ABCA13: variants seen among roughly 807,000 people sequenced by gnomAD.
ABCA13 encodes ATP-binding cassette sub-family A member 13.
ABCA13 carries 476 observed loss-of-function variants against 478.7 expected under a neutral mutation model. The ratio of observed to expected loss-of-function variants is 0.99; its 90% confidence interval spans 0.92 to 1.07. The LOEUF is 1.07. Among genes scored for constraint, ABCA13 ranks in the 50% least tolerant of loss-of-function variants. The probability of loss-of-function intolerance (pLI) is 0.00; values close to 1 mark genes in which losing one functional copy is unlikely to be tolerated. For missense variants in ABCA13, 6,060 were observed against 5,910.6 expected, an observed-to-expected ratio of 1.03 and a Z score of -0.83; for synonymous variants, 2,252 against 2,158.9, an observed-to-expected ratio of 1.04 and a Z score of -1.20.
chr7:48,184,955 C>T (rs1252863522), intron 1 of ABCA13, among the ~76,000 whole-genome samples: 2 of 152,182 alleles, frequency 1.3e-5, no homozygotes, highest in Non-Finnish European at 2.9e-5. Context: ...CCTGCCTCAG[C>T]CCCCCAAGTA....
chr7:48,641,180 G>T (rs1795077442), intron 59 of ABCA13, among the ~76,000 whole-genome samples: 1 of 152,152 alleles, frequency 6.6e-6, no homozygotes, highest in African/African-American at 2.4e-5. Flanking sequence ...TTAAAGGGCT[G>T]CAGTTTCTAC....
At position 48,587,192 on chromosome 7, in the gene ABCA13, C is replaced by T. The variant is rs1789270329; in HGVS notation, c.14544C>T (p.Ala4848=). ...TCATCAGGCGCTTACACCTCGAAGC[C>T]CACGCGGACAAACCTGTGGCCACCT... ...GDLIRRLHLE[A]HADKPVATYS... is the part of the protein sequence containing the mutation. The change falls in exon 57 of 62, where the codon GCC becomes GCT. Residue 4848 remains alanine, a synonymous_variant. Coordinates refer to ENST00000435803, the MANE Select transcript of ABCA13 (RefSeq NM_152701.5). 1 of 1,612,918 alleles carries T rather than the reference C, an allele frequency of 6.2e-7. No homozygotes were observed. The highest frequency in any genetic ancestry group is 1.3e-5 in the African/African-American group (1 of 74,884).
At chr7:48,613,182 A>G (rs932155392) in intron 58 of ABCA13, among the ~76,000 whole-genome samples, 1 of 151,350 alleles carries the variant, frequency 6.6e-6, no homozygotes, top group African/African-American at 2.4e-5. Flanking sequence ...GGTCTATTGG[A>G]ATTTTTTTCT....
At chr7:48,371,374 T>A (rs1812607388) in intron 32 of ABCA13, among the ~76,000 whole-genome samples, 1 of 152,178 alleles carries the variant, frequency 6.6e-6, no homozygotes, top group Admixed American at 6.5e-5. Flanking sequence ...CTTAGAGCAG[T>A]GTGGCCATTT....
intron 26 of ABCA13, 64 bp downstream of exon 26, chr7:48,314,473 A>G: frequency 7.3e-7 from 1 of 1,372,378 alleles, no homozygotes. Flanking sequence ...ATTGGCCTTA[A>G]ATTATAGTAA....
intron 57 of ABCA13, among the ~76,000 whole-genome samples, chr7:48,592,853 T>G (rs1312284883): frequency 6.6e-6 from 1 of 152,006 alleles, no homozygotes; most frequent in Admixed American, 6.5e-5. Flanking sequence ...AGTTTTTGAC[T>G]TAAAGCATAT....
intron 48 of ABCA13, among the ~76,000 whole-genome samples, chr7:48,494,345 T>G (rs564363953): frequency 2.0e-4 from 31 of 152,300 alleles, no homozygotes; most frequent in African/African-American, 7.5e-4. Context: ...TGATCTGTAA[T>G]AGAGCTACTG....
intron 59 of ABCA13, among the ~76,000 whole-genome samples, chr7:48,620,697 C>T (rs1586009570): frequency 6.6e-6 from 1 of 152,276 alleles, no homozygotes; most frequent in Non-Finnish European, 1.5e-5. Context: ...ATTCCAAAAA[C>T]ATTAGGCAGT....
At chr7:48,641,881 G>A (rs963282181) in intron 59 of ABCA13, among the ~76,000 whole-genome samples, 2 of 152,144 alleles carry the variant, frequency 1.3e-5, no homozygotes, top group Admixed American at 6.5e-5. Flanking sequence ...TGGGTTGATC[G>A]TGTTATTCAG....
chr7:48,404,652 G>T (rs1368652), intron 39 of ABCA13: 64,097 of 152,062 alleles, frequency 0.42, 13,708 homozygotes, highest in Admixed American at 0.49. Context: ...GATTTGCAAA[G>T]GAAGAAATAA....
intron 53 of ABCA13, among the ~76,000 whole-genome samples, chr7:48,523,163 G>A (rs1832669913): frequency 6.6e-6 from 1 of 151,958 alleles, no homozygotes; most frequent in Non-Finnish European, 1.5e-5. Context: ...TATTTTTATT[G>A]ATTCATTTTT....
intron 38 of ABCA13, among the ~76,000 whole-genome samples, chr7:48,392,713 A>T (rs1448402901): frequency 2.0e-5 from 3 of 152,200 alleles, no homozygotes; most frequent in African/African-American, 7.2e-5. Context: ...AGCAGGTGCC[A>T]TGGGAGAGAC....
chr7:48,397,873 A>G (rs570483423), intron 38 of ABCA13, among the ~76,000 whole-genome samples: 1 of 152,286 alleles, frequency 6.6e-6, no homozygotes, highest in African/African-American at 2.4e-5. Context: ...GGATGATACT[A>G]TACATTTTAT....
chr7:48,248,036 T>G (rs1367488979), intron 13 of ABCA13, among the ~76,000 whole-genome samples: 2 of 152,204 alleles, frequency 1.3e-5, no homozygotes, highest in African/African-American at 4.8e-5. Context: ...TTAAGTTTTA[T>G]TTTTGGACTT....
At chr7:48,594,631 G>C in intron 57 of ABCA13, 79 bp from the exon 58 acceptor site, 1 of 1,346,986 alleles carries the variant, frequency 7.4e-7, no homozygotes, top group Non-Finnish European at 1.1e-6. Flanking sequence ...TTCACCTGGG[G>C]TCTGGCCTCC....
intron 8 of ABCA13, among the ~76,000 whole-genome samples, chr7:48,237,549 C>T (rs889797369): frequency 6.6e-6 from 1 of 152,328 alleles, no homozygotes; most frequent in East Asian, 1.9e-4. Flanking sequence ...TTCTCTCACT[C>T]TCATAATCTG....
intron 55 of ABCA13, among the ~76,000 whole-genome samples, chr7:48,559,002 T>C (rs1786163924): frequency 6.6e-6 from 1 of 152,192 alleles, no homozygotes; most frequent in Non-Finnish European, 1.5e-5. Context: ...TGCTAATGTC[T>C]ATCTAACTAC....
chr7:48,639,490 T>G (rs1276292300), intron 59 of ABCA13, among the ~76,000 whole-genome samples: 2 of 152,204 alleles, frequency 1.3e-5, no homozygotes, highest in Non-Finnish European at 2.9e-5. Context: ...GTAACACTTG[T>G]GCTGGATGAG....
At chr7:48,599,217 A>T (rs58043122) in intron 58 of ABCA13, among the ~76,000 whole-genome samples, 15,325 of 151,894 alleles carry the variant, frequency 0.1, 1,009 homozygotes, top group Admixed American at 0.21. Context: ...TAGAAGTGTC[A>T]TTCAATTTTC....
Sources: gnomAD v4.1 joint callset for allele counts (sites outside exome capture counted in the v4.1 genomes callset) on GRCh38, gnomAD v4.1.1 for gene constraint, MANE v1.5 for transcripts, NCBI Gene and HGNC (gene_info 2026-07-23, HGNC 2026-07-21) for gene names.